The following PPP2CB variants were observed in gnomAD, a reference collection of about 807,000 sequenced individuals.
The protein encoded by PPP2CB is serine/threonine-protein phosphatase 2A catalytic subunit beta isoform.
PPP2CB carries 18 observed loss-of-function variants against 39.1 expected under a neutral mutation model. The ratio of observed to expected loss-of-function variants is 0.46; its 90% CI spans 0.32 to 0.68. The LOEUF is 0.68. Ranked by LOEUF, PPP2CB falls within the 30% of genes least tolerant of loss-of-function variation. The pLI, the probability that PPP2CB is intolerant of heterozygous loss-of-function variation, is 0.04. For missense variants in PPP2CB, 226 were observed against 396.9 expected (o/e 0.57, Z 3.66); for synonymous variants, 129 against 133.8 (o/e 0.96, Z 0.25).
intron 5 of PPP2CB, chr8:30,792,991 T>C (rs1257496002): frequency 6.6e-6 from 1 of 152,210 alleles, no homozygotes; most frequent in Non-Finnish European, 1.5e-5. Flanking sequence ...GCAGGGATTA[T>C]GTTGTTTATG....
chr8:30,803,451 G>A (rs900880390), intron 1 of PPP2CB, among the ~76,000 whole-genome samples: 3 of 151,930 alleles, frequency 2.0e-5, no homozygotes, highest in Admixed American at 6.6e-5. Flanking sequence ...AGACTGAGGC[G>A]TGAAGATGGC....
Position 30,799,592 on chromosome 8 carries a change from C to T in PPP2CB, c.266G>A (p.Arg89Lys). 1 of 1,613,960 alleles carries T rather than the reference C, an allele frequency of 6.2e-7. No individual in the cohort carries two copies. Among genetic ancestry groups the T allele is most frequent in the South Asian group, 1.1e-5 (1 of 91,074 alleles). ...NYLFMGDYVD[R>K]GYYSVETVTL... ...CACAGTCTCCACTGAATAATATCCT[C>T]TGTCTACATAGTCACCCATGAATAA... The change falls in exon 2 of 7, where the codon AGA becomes AAA. Residue 89 changes from arginine to lysine, a missense_variant. Around this residue, in one of 4 missense-constraint regions of PPP2CB, gnomAD observed 110 missense variants for 244.1 expected, o/e 0.45. Transcript: ENST00000221138.
chr8:30,812,227 G>T, intron 1 of PPP2CB, 93 bp downstream of exon 1: 2 of 935,602 alleles, frequency 2.1e-6, no homozygotes, highest in Non-Finnish European at 1.4e-6. Context: ...GGTGGGCCGC[G>T]CCGGGCCAGG....
At chr8:30,787,887 G>C (rs1484832688) in intron 6 of PPP2CB, among the ~76,000 whole-genome samples, 1 of 152,124 alleles carries the variant, frequency 6.6e-6, no homozygotes, top group Admixed American at 6.5e-5. Context: ...ACATTTGAAA[G>C]GTCATTCAGA....
intron 6 of PPP2CB, chr8:30,786,559 T>C (rs562010970): frequency 4.1e-6 from 1 of 245,772 alleles, no homozygotes; most frequent in East Asian, 7.5e-5. Context: ...TTTCTAAATG[T>C]TATTATTATT....
chr8:30,801,785 T>C (rs915042331), intron 1 of PPP2CB, among the ~76,000 whole-genome samples: 1 of 152,168 alleles, frequency 6.6e-6, no homozygotes, highest in South Asian at 2.1e-4. Context: ...AAACACACAA[T>C]AGTTTGTACA....
chr8:30,799,246 C>T (rs1167739420), intron 2 of PPP2CB, among the ~76,000 whole-genome samples: 1 of 152,082 alleles, frequency 6.6e-6, no homozygotes, highest in African/African-American at 2.4e-5. Flanking sequence ...ACAGGAACAA[C>T]AGACTTTTCA....
chr8:30,812,164 G>T (rs1161633203), intron 1 of PPP2CB, among the ~76,000 whole-genome samples, 156 bp downstream of exon 1: 1 of 151,954 alleles, frequency 6.6e-6, no homozygotes, highest in South Asian at 2.1e-4. Context: ...TGAACCGATG[G>T]GCCGGCCGCC....
Position 30,799,529 on chromosome 8 carries a change from A to T in PPP2CB, c.312+17T>A. ...GGTTTAAATCTTGAAAAAAAAATTG[A>T]ATTTCAATAATCATACCTTTAATGC... On this transcript the variant is annotated intron_variant, in intron 2 of 6. Coordinates refer to ENST00000221138, the MANE Select transcript of PPP2CB (RefSeq NM_001009552.2). 6.3e-7 allele frequency: 1 copy of T among 1,592,218 alleles called. No homozygotes were observed. The highest frequency in any genetic ancestry group is 8.6e-7 in the Non-Finnish European group (1 of 1,165,060).
chr8:30,812,425 G>A lies in PPP2CB; in HGVS notation c.-4C>T, dbSNP rs780207527. The A allele has an allele frequency of 2.6e-6, 4 of 1,524,898 alleles. No homozygotes were observed. The Admixed American group carries it at 5.5e-5, about 21-fold the overall frequency. 94.5% of individuals were successfully genotyped at this position (1,524,898 alleles called of 1,614,324 possible). On this transcript the variant is annotated 5_prime_UTR_variant, in exon 1 of 7. Transcript: ENST00000221138. ...TGGTGAACGCCTTGTCGTCCATGGC[G>A]GCCCGATCCCGATGCGGATCCCGAG...
In PPP2CB at chr8:30,794,289, T is replaced by C. The variant is rs769400867; in HGVS notation, c.487-8A>G. The C allele has an allele frequency of 1.3e-6, 2 of 1,594,684 alleles. No homozygotes were observed. The highest frequency in any genetic ancestry group is 1.3e-5 in the African/African-American group (1 of 74,594). ...ACCATGGAGGCAGAATATCTATGTA[T>C]GAATTAACAAAAGAGAATGTATTTG... On this transcript the variant is annotated splice_region_variant and splice_polypyrimidine_tract_variant and intron_variant, in intron 3 of 6. Coordinates refer to ENST00000221138, the MANE Select transcript of PPP2CB (RefSeq NM_001009552.2).
intron 1 of PPP2CB, 65 bp downstream of exon 1, chr8:30,812,255 C>A: frequency 8.0e-7 from 1 of 1,257,272 alleles, no homozygotes; most frequent in Non-Finnish European, 1.0e-6. Flanking sequence ...GGGACCGGGG[C>A]GGGCAGGAAA....
rs113782797 is a variant in PPP2CB at position 30,794,016 on chromosome 8, T to C, written c.639A>G (p.Pro213=). The change falls in exon 5 of 7, where the codon CCA becomes CCG. Residue 213 remains proline (P), a synonymous_variant. Coordinates refer to ENST00000221138, the MANE Select transcript of PPP2CB (RefSeq NM_001009552.2). ...PDDRGGWGIS[P]RGAGYTFGQD... is the part of the protein sequence containing the mutation. ...GTCCAAATGTGTAGCCAGCACCACG[T>C]GGTGAAATACCCCATCCACCACGAT... 16,939 of 1,613,252 alleles carry C rather than the reference T, an allele frequency of 0.01. 132 individuals carry two copies. The highest frequency in any genetic ancestry group is 0.018 in the South Asian group (1,649 of 90,866).
At chr8:30,794,475 T>A in intron 3 of PPP2CB, 194 bp from the exon 4 acceptor site, 4 of 312,738 alleles carry the variant, frequency 1.3e-5, no homozygotes, top group Non-Finnish European at 2.3e-5. Context: ...TTAAATTTCT[T>A]TTTTTTTTTT....
intron 1 of PPP2CB, among the ~76,000 whole-genome samples, chr8:30,803,811 A>G (rs1806666990): frequency 6.6e-6 from 1 of 151,816 alleles, no homozygotes; most frequent in Non-Finnish European, 1.5e-5. Context: ...AAGAAAAGAC[A>G]AAATACAATT....
chr8:30,801,270 T>C (rs1230071201), intron 1 of PPP2CB, among the ~76,000 whole-genome samples: 1 of 152,016 alleles, frequency 6.6e-6, no homozygotes, highest in Non-Finnish European at 1.5e-5. Flanking sequence ...CGGTGGCTCA[T>C]GCCTGTAATC....
At chr8:30,807,994 T>A (rs1267613357) in intron 1 of PPP2CB, among the ~76,000 whole-genome samples, 1 of 152,228 alleles carries the variant, frequency 6.6e-6, no homozygotes, top group Non-Finnish European at 1.5e-5. Flanking sequence ...ATACTCTTTA[T>A]TTTTTGTAGT....
chr8:30,804,068 G>A (rs892173254), intron 1 of PPP2CB, among the ~76,000 whole-genome samples: 4 of 152,098 alleles, frequency 2.6e-5, no homozygotes, highest in African/African-American at 7.2e-5. Context: ...TGATCCGCCC[G>A]CCTCGGCCTC....
intron 3 of PPP2CB, among the ~76,000 whole-genome samples, chr8:30,796,212 C>G (rs996803948): frequency 6.6e-6 from 1 of 152,084 alleles, no homozygotes; most frequent in Non-Finnish European, 1.5e-5. Flanking sequence ...AAATTAATCA[C>G]GGCAGTGTCC....
Sources: gnomAD v4.1 joint callset for allele counts (sites outside exome capture counted in the v4.1 genomes callset) on GRCh38, gnomAD v4.1.1 for gene constraint, gnomAD v4.1.1 regional missense constraint, MANE v1.5 for transcripts, NCBI Gene and HGNC (gene_info 2026-07-23, HGNC 2026-07-21) for gene names.